The following CCSER1 variants were observed in gnomAD, a reference collection of about 807,000 sequenced individuals.
The protein encoded by CCSER1 is coiled-coil serine rich protein 1, also known as serine-rich coiled-coil domain-containing protein 1.
A neutral mutation model predicts 82.0 loss-of-function variants in CCSER1; 41 were observed. The ratio of observed to expected loss-of-function variants is 0.50; its 90% CI spans 0.39 to 0.65. CCSER1 has a LOEUF of 0.65. CCSER1 is among the 30% of genes least tolerant of loss of function. The pLI, the probability that CCSER1 is intolerant of heterozygous loss-of-function variation, is 0.00. For synonymous variants in CCSER1, 414 were observed against 383.9 expected, an observed-to-expected ratio of 1.08 and a Z score of -0.92; for missense variants, 1,119 against 1,064.2, an observed-to-expected ratio of 1.05 and a Z score of -0.72.
intron 3 of CCSER1, among the ~76,000 whole-genome samples, chr4:90,344,642 G>A (rs1742006807): frequency 6.6e-6 from 1 of 152,072 alleles, no homozygotes; most frequent in African/African-American, 2.4e-5. Flanking sequence ...GACTTATGAT[G>A]GGGTTACATC....
chr4:90,366,023 A>T (rs1746219284), intron 3 of CCSER1, among the ~76,000 whole-genome samples: 1 of 151,844 alleles, frequency 6.6e-6, no homozygotes, highest in Non-Finnish European at 1.5e-5. Context: ...ATGCCAAAAA[A>T]ACATGAAGCT....
intron 10 of CCSER1, among the ~76,000 whole-genome samples, chr4:91,261,505 A>G (rs1041269972): frequency 6.6e-6 from 1 of 152,204 alleles, no homozygotes; most frequent in East Asian, 1.9e-4. Flanking sequence ...AGTACCTTTC[A>G]TTTACACTTC....
At chr4:90,544,587 T>G (rs778595443) in intron 5 of CCSER1, among the ~76,000 whole-genome samples, 2 of 152,126 alleles carry the variant, frequency 1.3e-5, no homozygotes, top group Non-Finnish European at 2.9e-5. Flanking sequence ...GGCTCTGTTA[T>G]GTAATCATGG....
chr4:90,488,650 T>G (rs1213117051), intron 5 of CCSER1, among the ~76,000 whole-genome samples: 1 of 152,126 alleles, frequency 6.6e-6, no homozygotes, highest in Non-Finnish European at 1.5e-5. Flanking sequence ...TGAGACAACA[T>G]GAAAATAATT....
At chr4:91,251,743 A>G (rs1046625196) in intron 10 of CCSER1, among the ~76,000 whole-genome samples, 2 of 152,168 alleles carry the variant, frequency 1.3e-5, no homozygotes, top group Admixed American at 1.3e-4. Flanking sequence ...GGAATATTAC[A>G]TACGTATATA....
chr4:91,530,836 C>T (rs147812670), intron 10 of CCSER1, among the ~76,000 whole-genome samples: 2,368 of 151,844 alleles, frequency 0.016, 58 homozygotes, highest in African/African-American at 0.054. Context: ...TACAGGCATG[C>T]GCCACCACAC....
chr4:90,503,992 T>A (rs1770320671), intron 5 of CCSER1, among the ~76,000 whole-genome samples: 1 of 152,134 alleles, frequency 6.6e-6, no homozygotes, highest in African/African-American at 2.4e-5. Flanking sequence ...ATAACATTTA[T>A]TTCCTTTTAC....
In CCSER1 at chr4:90,303,447, A is replaced by T. The variant is rs370584104; in HGVS notation, c.-41-4797A>T. On this transcript the variant is annotated intron_variant, in intron 1 of 10. Transcript: ENST00000509176. ...AAAACAGCATGGTACTGGTACCAAA[A>T]CACAGATATAGATCAATGGAACAGA... 2.4e-4 allele frequency among the ~76,000 whole-genome samples: 36 copies of T among 152,284 alleles called. 2 individuals are homozygous for T. The East Asian group carries it at 6.9e-3, about 29-fold the overall frequency.
chr4:91,266,302 G>T (rs192451607), intron 10 of CCSER1, among the ~76,000 whole-genome samples: 7 of 152,074 alleles, frequency 4.6e-5, no homozygotes, highest in Admixed American at 3.3e-4. Flanking sequence ...GCCCAGGCTG[G>T]TGTGCAGTGG....
intron 8 of CCSER1, among the ~76,000 whole-genome samples, chr4:90,872,827 T>G (rs985251881): frequency 5.3e-5 from 8 of 152,046 alleles, no homozygotes; most frequent in Non-Finnish European, 1.0e-4. Context: ...TCCCTCAAAT[T>G]TTGTTTGTCT....
chr4:91,235,464 A>G (rs1284749707), intron 10 of CCSER1, among the ~76,000 whole-genome samples: 2 of 152,290 alleles, frequency 1.3e-5, no homozygotes, highest in African/African-American at 4.8e-5. Flanking sequence ...AAATTTGATA[A>G]TTATGCATTT....
intron 9 of CCSER1, among the ~76,000 whole-genome samples, chr4:90,982,494 A>G (rs1198526645): frequency 1.3e-5 from 2 of 151,748 alleles, no homozygotes; most frequent in African/African-American, 4.8e-5. Context: ...GTAATTTGCA[A>G]TTTTAACCAA....
intron 10 of CCSER1, among the ~76,000 whole-genome samples, chr4:91,381,442 A>G (rs1166088603): frequency 1.3e-5 from 2 of 151,968 alleles, no homozygotes; most frequent in Non-Finnish European, 2.9e-5. Context: ...GGCTTTGTTC[A>G]TTTATTTTTA....
chr4:90,393,831 C>T (rs1341108356), intron 3 of CCSER1, among the ~76,000 whole-genome samples: 2 of 129,280 alleles, frequency 1.5e-5, no homozygotes, highest in Non-Finnish European at 3.1e-5. Context: ...TGCTGGAGTG[C>T]AGTGTGGCAC....
At chr4:91,140,913 G>A (rs148125536) in intron 10 of CCSER1, among the ~76,000 whole-genome samples, 1 of 152,202 alleles carries the variant, frequency 6.6e-6, no homozygotes. Flanking sequence ...TGTCACCCAA[G>A]TAGTGAGAAG....
intron 1 of CCSER1, among the ~76,000 whole-genome samples, chr4:90,256,705 G>A (rs1723350788): frequency 6.6e-6 from 1 of 152,014 alleles, no homozygotes; most frequent in Non-Finnish European, 1.5e-5. Context: ...GTTCATAAAT[G>A]GATTGACAAA....
chr4:91,557,494 G>A (rs953433028), intron 10 of CCSER1, among the ~76,000 whole-genome samples: 2 of 151,200 alleles, frequency 1.3e-5, no homozygotes, highest in Admixed American at 1.3e-4. Context: ...TCAGAGAATT[G>A]ATACATAAAT....
At chr4:91,254,115 T>G (rs1740488663) in intron 10 of CCSER1, among the ~76,000 whole-genome samples, 1 of 151,938 alleles carries the variant, frequency 6.6e-6, no homozygotes, top group Admixed American at 6.6e-5. Flanking sequence ...AAGGGAGAAA[T>G]AAATACTTCA....
At chr4:90,908,235 A>G (rs532962019) in intron 8 of CCSER1, among the ~76,000 whole-genome samples, 15 of 152,294 alleles carry the variant, frequency 9.8e-5, no homozygotes, top group Non-Finnish European at 8.8e-5. Context: ...TTTAAAAAGA[A>G]TATCTGTAAG....
Sources: allele counts gnomAD v4.1 joint callset (sites outside exome capture counted in the v4.1 genomes callset), GRCh38; gene constraint gnomAD v4.1.1; transcripts MANE v1.5; gene names NCBI Gene and HGNC (gene_info 2026-07-23, HGNC 2026-07-21).